KDM4C: variants seen among roughly 807,000 people sequenced by gnomAD.
KDM4C encodes lysine demethylase 4C, also known as lysine-specific demethylase 4C.
Under a neutral mutation model 129.3 loss-of-function variants are expected in KDM4C, and 81 were observed. The observed-to-expected ratio is 0.63, with a 90% CI of 0.52 to 0.75. KDM4C has a LOEUF of 0.75. Ranked by LOEUF, KDM4C falls within the 30% of genes least tolerant of loss-of-function variation. KDM4C has a pLI of 0.00. For missense variants in KDM4C, 1,457 were observed against 1,304.0 expected, an observed-to-expected ratio of 1.12 and a Z score of -1.81; for synonymous variants, 573 against 456.1, an observed-to-expected ratio of 1.26 and a Z score of -3.26.
intron 2 of KDM4C, among the ~76,000 whole-genome samples, chr9:6,798,931 G>A (rs895071512): frequency 1.9e-4 from 29 of 150,922 alleles, no homozygotes; most frequent in East Asian, 5.9e-4. Context: ...ACGGGGTCGC[G>A]GTCGGGTCGA....
chr9:7,014,006 A>G lies in KDM4C; in HGVS notation c.2182+5A>G, dbSNP rs1823189346. Reference sequence around the variant, plus strand: ...GCTGCGTACGGGTTCATGCAAGTAAATGGATCTATAATTCATCAATCACTG... The same window carrying G: ...GCTGCGTACGGGTTCATGCAAGTAAGTGGATCTATAATTCATCAATCACTG... On this transcript the variant is annotated splice_donor_5th_base_variant and intron_variant, in intron 14 of 21. Coordinates refer to ENST00000381309, the MANE Select transcript of KDM4C (RefSeq NM_015061.6). 1.2e-6 allele frequency: 2 copies of G among 1,607,318 alleles called. No homozygotes were observed. The highest frequency in any genetic ancestry group is 2.2e-5 in the South Asian group (2 of 90,464).
chr9:6,865,758 T>TA (rs35395660), intron 5 of KDM4C, among the ~76,000 whole-genome samples: 80,381 of 150,940 alleles, frequency 0.53, 21,703 homozygotes, highest in Middle Eastern at 0.62. Flanking sequence ...TTTATTTATT[T>TA]TTTTTTTTGT....
At chr9:7,135,655 C>A (rs2129725542) in intron 19 of KDM4C, among the ~76,000 whole-genome samples, 1 of 152,282 alleles carries the variant, frequency 6.6e-6, no homozygotes, top group South Asian at 2.1e-4. Flanking sequence ...GATGTGTAAA[C>A]ACAGATGTAG....
chr9:6,955,764 C>T (rs1589297623), intron 8 of KDM4C, among the ~76,000 whole-genome samples: 1 of 152,156 alleles, frequency 6.6e-6, no homozygotes, highest in Admixed American at 6.6e-5. Context: ...GAGAAAAATA[C>T]ACACTCTGTA....
At chr9:6,911,721 G>T (rs1339574741) in intron 8 of KDM4C, among the ~76,000 whole-genome samples, 1 of 152,130 alleles carries the variant, frequency 6.6e-6, no homozygotes, top group Non-Finnish European at 1.5e-5. Flanking sequence ...AATTATTGTG[G>T]TCATGAAGCT....
chr9:6,964,238 C>A (rs918783228), intron 8 of KDM4C, among the ~76,000 whole-genome samples: 7 of 146,576 alleles, frequency 4.8e-5, no homozygotes, highest in African/African-American at 1.2e-4. Flanking sequence ...ATCCCTCCCC[C>A]CTCCCCTGAC....
At chr9:7,137,819 C>G (rs1030809261) in intron 19 of KDM4C, among the ~76,000 whole-genome samples, 4 of 152,154 alleles carry the variant, frequency 2.6e-5, no homozygotes, top group African/African-American at 9.7e-5. Flanking sequence ...GTGACACATC[C>G]CAGAAGATAT....
chr9:7,103,543 C>T, intron 17 of KDM4C, 142 bp from the exon 18 acceptor site: 1 of 638,648 alleles, frequency 1.6e-6, no homozygotes, highest in Non-Finnish European at 2.7e-6. Context: ...ACCACTAGGG[C>T]CCCTGGAGGG....
chr9:6,789,499 C>T (rs896889439), intron 1 of KDM4C, among the ~76,000 whole-genome samples: 6 of 151,870 alleles, frequency 4.0e-5, no homozygotes, highest in South Asian at 2.1e-4. Flanking sequence ...GGATTACAGG[C>T]GTGAGCCACT....
Position 6,997,315 on chromosome 9 carries a change from C to T in KDM4C, c.1786+6791C>T, listed in dbSNP as rs12336881. 7.2e-3 allele frequency among the ~76,000 whole-genome samples: 1,097 copies of T among 152,164 alleles called. 10 individuals are homozygous for T. The highest frequency in any genetic ancestry group is 0.025 in the African/African-American group (1,050 of 41,508). On this transcript the variant is annotated intron_variant, in intron 12 of 21. Transcript: ENST00000381309. ...GAAACTAAAGGGCCCCTCAGACATG[C>T]GGAGCTGGAGCCTTAAAAGCCTACA...
rs184841493 is a variant in KDM4C at position 6,765,664 on chromosome 9, A to G, written c.-18+7461A>G. 2.0e-5 allele frequency among the ~76,000 whole-genome samples: 3 copies of G among 152,344 alleles called. No individual in the cohort carries two copies. In the East Asian group the frequency reaches 5.8e-4, roughly 29 times the overall value. On this transcript the variant is annotated intron_variant, in intron 1 of 21. Coordinates refer to ENST00000381309, the MANE Select transcript of KDM4C (RefSeq NM_015061.6). ...TTTTACATATATGCAAAAATGAAGG[A>G]ACTGTAAAACCAGGACACGCATTGG...
intron 8 of KDM4C, among the ~76,000 whole-genome samples, chr9:6,974,101 A>C (rs6477134): frequency 6.6e-6 from 1 of 151,930 alleles, no homozygotes; most frequent in Non-Finnish European, 1.5e-5. Context: ...TATCCTTGTG[A>C]CATCCAACAA....
At chr9:6,789,173 C>G (rs1274502562) in intron 1 of KDM4C, among the ~76,000 whole-genome samples, 1 of 151,368 alleles carries the variant, frequency 6.6e-6, no homozygotes. Context: ...CCGTCTCAGC[C>G]TCCGAGTAGC....
chr9:6,924,614 G>A (rs925388509), intron 8 of KDM4C: 11 of 323,124 alleles, frequency 3.4e-5, no homozygotes, highest in Non-Finnish European at 4.9e-5. Flanking sequence ...CCTTGCCCAC[G>A]CCAATTCAGT....
intron 17 of KDM4C, among the ~76,000 whole-genome samples, chr9:7,096,808 C>A (rs1281526236): frequency 6.6e-6 from 1 of 152,072 alleles, no homozygotes; most frequent in Admixed American, 6.6e-5. Context: ...GCTTGATTGC[C>A]TGAGGTTTAA....
At chr9:6,748,404 G>A (rs1437493764) in intron 1 of KDM4C, among the ~76,000 whole-genome samples, 1 of 151,902 alleles carries the variant, frequency 6.6e-6, no homozygotes, top group Non-Finnish European at 1.5e-5. Context: ...CTACTAGGGA[G>A]GCTGAGGCAG....
intron 8 of KDM4C, among the ~76,000 whole-genome samples, chr9:6,963,258 A>G (rs958703644): frequency 2.6e-5 from 4 of 152,244 alleles, no homozygotes; most frequent in East Asian, 1.9e-4. Flanking sequence ...TACTAGACAA[A>G]TGCTTTTAGT....
chr9:6,859,726 C>A (rs1471987014), intron 5 of KDM4C, among the ~76,000 whole-genome samples: 2 of 151,390 alleles, frequency 1.3e-5, no homozygotes, highest in African/African-American at 4.9e-5. Context: ...TTTAGCCGGG[C>A]GTGGTTGCAG....
At chr9:6,848,880 A>G (rs540607442) in intron 4 of KDM4C, among the ~76,000 whole-genome samples, 82 of 152,338 alleles carry the variant, frequency 5.4e-4, no homozygotes, top group African/African-American at 1.9e-3. Flanking sequence ...TTCCATTAAC[A>G]TAAGAGGTAA....
Sources: allele counts gnomAD v4.1 joint callset (sites outside exome capture counted in the v4.1 genomes callset), GRCh38; gene constraint gnomAD v4.1.1; transcripts MANE v1.5; gene names NCBI Gene and HGNC (gene_info 2026-07-23, HGNC 2026-07-21).